ARHGAP15: variants seen among roughly 807,000 people sequenced by gnomAD.
ARHGAP15 encodes the protein rho GTPase-activating protein 15.
Under a neutral mutation model 63.7 loss-of-function variants are expected in ARHGAP15, and 51 were observed. That is an observed-to-expected ratio of 0.80 (90% CI 0.64 to 1.01). The LOEUF is 1.01. Ranked by LOEUF, ARHGAP15 falls within the 50% of genes least tolerant of loss-of-function variation. ARHGAP15 has a pLI of 0.00. For synonymous variants in ARHGAP15, 191 were observed against 193.8 expected (o/e 0.99, Z 0.12); for missense variants, 560 against 564.6 (o/e 0.99, Z 0.08).
intron 6 of ARHGAP15, among the ~76,000 whole-genome samples, chr2:143,366,126 T>C (rs1482402501): frequency 6.6e-6 from 1 of 151,338 alleles, no homozygotes; most frequent in African/African-American, 2.5e-5. Context: ...GCCTTGGTTA[T>C]GGTAGCACAG....
chr2:143,707,878 A>G (rs1444016254), intron 13 of ARHGAP15, among the ~76,000 whole-genome samples: 2 of 152,248 alleles, frequency 1.3e-5, no homozygotes, highest in Admixed American at 6.5e-5. Flanking sequence ...CAAAGAGAGC[A>G]TAATTATAAA....
chr2:143,691,818 T>C (rs1454709854), intron 12 of ARHGAP15, among the ~76,000 whole-genome samples: 1 of 152,218 alleles, frequency 6.6e-6, no homozygotes, highest in Non-Finnish European at 1.5e-5. Context: ...AAAGGACAAC[T>C]CCCATTGCAG....
intron 2 of ARHGAP15, among the ~76,000 whole-genome samples, chr2:143,160,909 C>T (rs890365934): frequency 3.9e-5 from 6 of 151,986 alleles, no homozygotes; most frequent in Admixed American, 6.6e-5. Flanking sequence ...GCTCTCACAA[C>T]CACATATGTG....
intron 2 of ARHGAP15, among the ~76,000 whole-genome samples, chr2:143,195,921 G>A (rs1574076640): frequency 6.6e-6 from 1 of 152,088 alleles, no homozygotes; most frequent in Admixed American, 6.6e-5. Flanking sequence ...TATTTTTACA[G>A]TATGTAATAT....
At chr2:143,579,139 T>C (rs1402189448) in intron 11 of ARHGAP15, among the ~76,000 whole-genome samples, 5 of 152,162 alleles carry the variant, frequency 3.3e-5, no homozygotes, top group African/African-American at 7.2e-5. Flanking sequence ...CAAAACTGTA[T>C]TATGATTGTG....
chr2:143,184,496 A>C (rs1232551297), intron 2 of ARHGAP15, among the ~76,000 whole-genome samples: 1 of 152,164 alleles, frequency 6.6e-6, no homozygotes, highest in Non-Finnish European at 1.5e-5. Context: ...TCAAGGAAAC[A>C]TTGTGTATTA....
intron 6 of ARHGAP15, among the ~76,000 whole-genome samples, chr2:143,393,415 T>A (rs973668081): frequency 8.5e-5 from 13 of 152,300 alleles, no homozygotes; most frequent in African/African-American, 2.9e-4. Flanking sequence ...AGAAATCTTA[T>A]GTTATTACTT....
chr2:143,361,985 A>G (rs916417074), intron 6 of ARHGAP15, among the ~76,000 whole-genome samples: 3 of 152,180 alleles, frequency 2.0e-5, no homozygotes, highest in Non-Finnish European at 4.4e-5. Flanking sequence ...GTTATATCCT[A>G]TGCTGAATCG....
At chr2:143,398,648 C>T (rs1186276727) in intron 6 of ARHGAP15, among the ~76,000 whole-genome samples, 1 of 152,036 alleles carries the variant, frequency 6.6e-6, no homozygotes. Context: ...TGCAGTTTGG[C>T]CATGAAACAA....
intron 11 of ARHGAP15, among the ~76,000 whole-genome samples, chr2:143,584,470 A>G (rs1398369405): frequency 6.6e-6 from 1 of 152,100 alleles, no homozygotes; most frequent in Non-Finnish European, 1.5e-5. Context: ...TACTAAAAAT[A>G]CAAAAATTAG....
chr2:143,605,858 CAAAAAAAAAA>C (rs373847590), intron 11 of ARHGAP15, among the ~76,000 whole-genome samples: 174 of 85,306 alleles, frequency 2.0e-3, no homozygotes, highest in East Asian at 3.5e-3. Flanking sequence ...TACTAAAATA[CAAAAAAAAAA>C]AAAAAAAAAA....
At chr2:143,617,009 T>C (rs1267139733) in intron 11 of ARHGAP15, among the ~76,000 whole-genome samples, 1 of 152,184 alleles carries the variant, frequency 6.6e-6, no homozygotes, top group African/African-American at 2.4e-5. Context: ...AAAGAATGAA[T>C]ATGAAAACGG....
chr2:143,693,846 T>A (rs567258663), intron 12 of ARHGAP15, among the ~76,000 whole-genome samples: 84 of 152,340 alleles, frequency 5.5e-4, no homozygotes, highest in African/African-American at 2.0e-3. Context: ...TTACTTCTTA[T>A]AAGAACATAT....
chr2:143,150,066 G>A lies in ARHGAP15; in HGVS notation c.-14-5411G>A, dbSNP rs571125133. Among the ~76,000 whole-genome samples, 4 of 151,992 alleles carry A rather than the reference G, an allele frequency of 2.6e-5. No individual in the cohort carries two copies. In the South Asian group the frequency reaches 8.3e-4, roughly 32 times the overall value. ...ATGCTGGGGGGTGTGGGCCCTGAGTGCCATCCTAGAGTTATTCTGAACAGA... is the reference window on the plus strand; with the variant it reads ...ATGCTGGGGGGTGTGGGCCCTGAGTACCATCCTAGAGTTATTCTGAACAGA... On this transcript the variant is annotated intron_variant, in intron 1 of 13. Coordinates refer to ENST00000295095, the MANE Select transcript of ARHGAP15 (RefSeq NM_018460.4).
At chr2:143,717,455 T>C (rs1416023992) in intron 13 of ARHGAP15, among the ~76,000 whole-genome samples, 1 of 152,234 alleles carries the variant, frequency 6.6e-6, no homozygotes, top group African/African-American at 2.4e-5. Flanking sequence ...AAGTCCTCAC[T>C]GCTTTCTGCC....
At chr2:143,325,297 A>G (rs551914839) in intron 6 of ARHGAP15, among the ~76,000 whole-genome samples, 18 of 152,294 alleles carry the variant, frequency 1.2e-4, no homozygotes, top group African/African-American at 3.1e-4. Flanking sequence ...CATTTCTTCA[A>G]ATACTCTTCA....
chr2:143,711,810 T>A (rs995804816), intron 13 of ARHGAP15, among the ~76,000 whole-genome samples: 13 of 152,100 alleles, frequency 8.5e-5, no homozygotes, highest in African/African-American at 2.9e-4. Flanking sequence ...GCATCTGTAG[T>A]CCCAGCTACT....
intron 6 of ARHGAP15, among the ~76,000 whole-genome samples, chr2:143,330,094 C>CAAAAAAAAAAAAA (rs1303438123): frequency 3.6e-3 from 6 of 1,672 alleles, no homozygotes; most frequent in Non-Finnish European, 6.9e-3. Context: ...GGCTCTGTCT[C>CAAAAAAAAAAAAA]AAAAAAAAAA....
intron 6 of ARHGAP15, among the ~76,000 whole-genome samples, chr2:143,307,812 CT>C (rs1683245622): frequency 1.3e-5 from 2 of 152,066 alleles, no homozygotes; most frequent in African/African-American, 4.8e-5. Context: ...GAAATATTTT[CT>C]TTTTTCTACG....
Sources: gnomAD v4.1 joint callset for allele counts (sites outside exome capture counted in the v4.1 genomes callset) on GRCh38, gnomAD v4.1.1 for gene constraint, MANE v1.5 for transcripts, NCBI Gene and HGNC (gene_info 2026-07-23, HGNC 2026-07-21) for gene names.